Variants in ANKS1B observed in about 807,000 individuals in gnomAD.
ANKS1B encodes the protein ankyrin repeat and sterile alpha motif domain containing 1B, also known as ankyrin repeat and sterile alpha motif domain-containing protein 1B.
ANKS1B carries 36 observed loss-of-function variants against 148.3 expected under a neutral mutation model. The observed-to-expected ratio is 0.24, with a 90% CI of 0.19 to 0.32. ANKS1B has a LOEUF of 0.32. ANKS1B is among the 10% of genes least tolerant of loss of function. ANKS1B has a pLI of 1.00. For synonymous variants in ANKS1B, 542 were observed against 560.8 expected (o/e 0.97, Z 0.47); for missense variants, 1,157 against 1,542.6 (o/e 0.75, Z 4.19).
At chr12:99,437,764 C>G (rs955549938) in intron 11 of ANKS1B, among the ~76,000 whole-genome samples, 7 of 151,902 alleles carry the variant, frequency 4.6e-5, no homozygotes, top group African/African-American at 1.7e-4. Flanking sequence ...AACTTTTAGG[C>G]TCTTCTTTCT....
chr12:99,574,916 C>G (rs943153643), intron 9 of ANKS1B, among the ~76,000 whole-genome samples: 4 of 151,960 alleles, frequency 2.6e-5, no homozygotes, highest in African/African-American at 9.7e-5. Flanking sequence ...GAGGTTCTAG[C>G]CAGTACAGTG....
At chr12:98,971,134 C>A (rs1266233654) in intron 17 of ANKS1B, among the ~76,000 whole-genome samples, 1 of 152,200 alleles carries the variant, frequency 6.6e-6, no homozygotes, top group Non-Finnish European at 1.5e-5. Context: ...AAGTTTTAAA[C>A]TCTTTCTTAT....
intron 25 of ANKS1B, among the ~76,000 whole-genome samples, chr12:98,763,716 ATACTT>A (rs763420157): frequency 6.6e-6 from 1 of 152,246 alleles, no homozygotes; most frequent in African/African-American, 2.4e-5. Context: ...AAAAACTAGA[ATACTT>A]TATGAGTCTA....
At chr12:99,520,485 T>A (rs183107882) in intron 9 of ANKS1B, among the ~76,000 whole-genome samples, 1 of 152,352 alleles carries the variant, frequency 6.6e-6, no homozygotes, top group Admixed American at 6.5e-5. Context: ...TTTCTTTTGC[T>A]ACTTTTAGGA....
chr12:99,722,396 T>C (rs1418774307), intron 8 of ANKS1B, among the ~76,000 whole-genome samples: 3 of 152,336 alleles, frequency 2.0e-5, no homozygotes, highest in Admixed American at 6.5e-5. Flanking sequence ...TCATTTGCCA[T>C]TCTGAAAACA....
intron 1 of ANKS1B, among the ~76,000 whole-genome samples, chr12:99,855,188 T>C (rs1210637617): frequency 2.0e-5 from 3 of 151,990 alleles, no homozygotes; most frequent in Non-Finnish European, 4.4e-5. Flanking sequence ...TCACATAAAC[T>C]TAAGGTGAAG....
intron 19 of ANKS1B, among the ~76,000 whole-genome samples, chr12:98,811,109 T>G (rs754421043): frequency 2.0e-5 from 3 of 152,198 alleles, no homozygotes; most frequent in Non-Finnish European, 4.4e-5. Context: ...TGGTCTCCCA[T>G]GTGCTCTACG....
intron 11 of ANKS1B, among the ~76,000 whole-genome samples, chr12:99,442,570 ATGT>A (rs2095566826): frequency 6.6e-6 from 1 of 151,932 alleles, no homozygotes; most frequent in Non-Finnish European, 1.5e-5. Flanking sequence ...AGTGCCAGTG[ATGT>A]TATCTATAAA....
intron 17 of ANKS1B, among the ~76,000 whole-genome samples, chr12:98,919,279 CCTGTTTCAGAAAAATCTAAT>C (rs1441220615): frequency 6.6e-6 from 1 of 152,060 alleles, no homozygotes; most frequent in African/African-American, 2.4e-5. Flanking sequence ...ATGGTGTGAT[CCTGTTTCAGAAAAATCTAAT>C]CTGTGTTAAT....
At chr12:98,767,606 G>A (rs2098502324) in intron 25 of ANKS1B, among the ~76,000 whole-genome samples, 1 of 152,214 alleles carries the variant, frequency 6.6e-6, no homozygotes. Flanking sequence ...GCAAGGGTCT[G>A]GCAGCAAAGC....
At chr12:99,361,911 A>G (rs1292666814) in intron 12 of ANKS1B, among the ~76,000 whole-genome samples, 1 of 152,088 alleles carries the variant, frequency 6.6e-6, no homozygotes, top group Admixed American at 6.6e-5. Context: ...AATTAAGATG[A>G]CTAAATACTT....
At chr12:99,623,641 A>T (rs1269146370) in intron 9 of ANKS1B, among the ~76,000 whole-genome samples, 1 of 152,024 alleles carries the variant, frequency 6.6e-6, no homozygotes, top group Non-Finnish European at 1.5e-5. Flanking sequence ...ATCAAGAATG[A>T]AACCCCTTTT....
At chr12:98,957,233 AT>A (rs2099863713) in intron 17 of ANKS1B, among the ~76,000 whole-genome samples, 1 of 152,054 alleles carries the variant, frequency 6.6e-6, no homozygotes, top group Non-Finnish European at 1.5e-5. Flanking sequence ...GGGATAAGCA[AT>A]TGTTAACTTG....
At chr12:98,740,184 A>C (rs971793789), downstream of ANKS1B, among the ~76,000 whole-genome samples, 29 of 152,120 alleles carry the variant, frequency 1.9e-4, no homozygotes, top group Non-Finnish European at 2.9e-5. Context: ...CCCTGGCTAC[A>C]CTGACTTTCC....
At chr12:98,807,950 C>A in intron 19 of ANKS1B, 32 bp from the exon 20 acceptor site, 1 of 1,568,436 alleles carries the variant, frequency 6.4e-7, no homozygotes, top group Non-Finnish European at 8.7e-7. Flanking sequence ...CTTATCTTGT[C>A]AATATTTAAA....
intron 9 of ANKS1B, among the ~76,000 whole-genome samples, chr12:99,625,681 G>C (rs1418481563): frequency 6.6e-6 from 1 of 152,084 alleles, no homozygotes; most frequent in East Asian, 1.9e-4. Flanking sequence ...CCAACTTCAT[G>C]ATAACAATGC....
At chr12:99,682,721 C>T (rs1041307207) in intron 8 of ANKS1B, among the ~76,000 whole-genome samples, 1 of 151,884 alleles carries the variant, frequency 6.6e-6, no homozygotes, top group Non-Finnish European at 1.5e-5. Context: ...ACAAGCCAAA[C>T]CCAAACCCAG....
chr12:99,544,983 G>A (rs954700557), intron 9 of ANKS1B, among the ~76,000 whole-genome samples: 4 of 152,108 alleles, frequency 2.6e-5, no homozygotes, highest in African/African-American at 9.7e-5. Flanking sequence ...TACATTATCT[G>A]ACTGTCTCTT....
At chr12:98,750,039 G>GA (rs1345275041) in intron 26 of ANKS1B, among the ~76,000 whole-genome samples, 1 of 152,066 alleles carries the variant, frequency 6.6e-6, no homozygotes, top group East Asian at 1.9e-4. Context: ...GCTTTGAGGG[G>GA]AAAATCAGGA....
Sources: allele counts gnomAD v4.1 joint callset (sites outside exome capture counted in the v4.1 genomes callset), GRCh38; gene constraint gnomAD v4.1.1; transcripts MANE v1.5; gene names NCBI Gene and HGNC (gene_info 2026-07-23, HGNC 2026-07-21).